Variants in ZC3H14 observed in about 807,000 individuals in gnomAD.
ZC3H14 encodes zinc finger CCCH domain-containing protein 14.
In ZC3H14, 31 loss-of-function variants were observed where a neutral mutation model predicts 92.4. The ratio of observed to expected loss-of-function variants is 0.34; its 90% CI spans 0.25 to 0.45. ZC3H14 has a LOEUF of 0.45. Among genes scored for constraint, ZC3H14 ranks in the 20% least tolerant of loss-of-function variants. ZC3H14 has a pLI of 1.00. For synonymous variants in ZC3H14, 321 were observed against 300.9 expected (o/e 1.07, Z -0.69); for missense variants, 781 against 897.3 (o/e 0.87, Z 1.66).
chr14:88,566,937 A>G (rs982224584), intron 2 of ZC3H14, among the ~76,000 whole-genome samples: 15 of 151,612 alleles, frequency 9.9e-5, no homozygotes, highest in Non-Finnish European at 1.9e-4. Context: ...AAAAAAAAAA[A>G]AGAGAACTGG....
intron 9 of ZC3H14, among the ~76,000 whole-genome samples, chr14:88,586,262 T>G (rs995321932): frequency 6.6e-6 from 1 of 152,258 alleles, no homozygotes. Flanking sequence ...TGTTTATCAT[T>G]TTACTTATTC....
chr14:88,611,800 T>C lies in ZC3H14; in HGVS notation c.*49T>C. The C allele has an allele frequency of 6.2e-7, 1 of 1,612,550 alleles. No homozygotes were observed. On this transcript the variant is annotated 3_prime_UTR_variant, in exon 17 of 17. Coordinates refer to ENST00000251038, the MANE Select transcript of ZC3H14 (RefSeq NM_024824.5). ...ATCATGCAGTTTGGAAGTTTTCATG[T>C]ACTGATGAAAGATACTCTACAGAAC...
At chr14:88,588,494 T>G (rs530185130) in intron 9 of ZC3H14, among the ~76,000 whole-genome samples, 1 of 152,332 alleles carries the variant, frequency 6.6e-6, no homozygotes, top group East Asian at 1.9e-4. Flanking sequence ...GGCTTCAGTG[T>G]TGATGCTGAG....
Position 88,622,801 on chromosome 14 carries a change from G to T in ZC3H14, c.*11050G>T. On this transcript the variant is annotated 3_prime_UTR_variant, in exon 17 of 17. Coordinates refer to ENST00000251038, the MANE Select transcript of ZC3H14 (RefSeq NM_024824.5). ...ATAAACAAATACCAAGTTATAAGCA[G>T]AATCTTTTTTTTTTAAAAAGGCCCT... 4 of 837,814 alleles carry T rather than the reference G, an allele frequency of 4.8e-6. No homozygotes were observed. Among genetic ancestry groups the T allele is most frequent in the South Asian group, 3.2e-5 (1 of 31,014 alleles). The allele number at this position is 837,814 out of a possible 1,614,324, so 51.9% of individuals were successfully genotyped here.
intron 2 of ZC3H14, among the ~76,000 whole-genome samples, chr14:88,566,280 C>G (rs1046712087): frequency 2.0e-5 from 3 of 151,764 alleles, no homozygotes; most frequent in African/African-American, 4.8e-5. Context: ...TTAATAAATA[C>G]TTTTTAATTA....
chr14:88,574,007 C>A (rs1229026188), intron 6 of ZC3H14, among the ~76,000 whole-genome samples: 2 of 152,122 alleles, frequency 1.3e-5, no homozygotes, highest in Non-Finnish European at 2.9e-5. Context: ...TCTTTTGTAT[C>A]ACATCTGTAT....
In ZC3H14 at chr14:88,626,055, T is replaced by C. The variant is rs934456322; in HGVS notation, c.*14304T>C. The C allele has an allele frequency of 2.0e-5, 3 of 152,204 alleles. No individual in the cohort carries two copies. The highest frequency in any genetic ancestry group is 2.9e-5 in the Non-Finnish European group (2 of 68,066). The allele number at this position is 152,204 out of a possible 1,614,324, so 9.4% of individuals were successfully genotyped here. On this transcript the variant is annotated 3_prime_UTR_variant, in exon 17 of 17. Transcript: ENST00000251038. ...ATTGTGCTATTTCCTTCTGTCTCAC[T>C]ACCTCCTTCTTCCCTCGAAGTAGAG...
At chr14:88,577,491 GTATC>G (rs1430160257) in intron 8 of ZC3H14, among the ~76,000 whole-genome samples, 2 of 152,166 alleles carry the variant, frequency 1.3e-5, no homozygotes, top group Admixed American at 6.5e-5. Context: ...ATAGGTTCAG[GTATC>G]TATCTCAGTA....
chr14:88,572,898 G>A lies in ZC3H14; in HGVS notation c.752G>A (p.Ser251Asn), dbSNP rs779233885. The A allele has an allele frequency of 1.2e-6, 2 of 1,614,178 alleles. No individual in the cohort carries two copies. Among genetic ancestry groups the A allele is most frequent in the South Asian group, 2.2e-5 (2 of 91,092 alleles). Residue 251 changes from serine to asparagine, a missense_variant, in exon 6 of 17, where the codon AGT becomes AAT. Ser to Asn is a conservative substitution (Grantham distance 46, BLOSUM62 1). Coordinates refer to ENST00000251038, the MANE Select transcript of ZC3H14 (RefSeq NM_024824.5). Reference protein sequence around the residue: ...IHAAKQLDMQSSWVYETGRLC... With the variant: ...IHAAKQLDMQNSWVYETGRLC... ...GCTGCCAAGCAGCTTGATATGCAGA[G>A]TAGTTGGGTATATGAAACAGGACGT...
In ZC3H14 at chr14:88,610,213, A is replaced by G. The variant is rs148719624; in HGVS notation, c.2097+410A>G. ...GAATCTCCAGATGTTTAGTTGGTCA[A>G]AATGAATTATCTCCTTCTTGCCCCG... On this transcript the variant is annotated intron_variant, in intron 15 of 16. Transcript: ENST00000251038. 3.3e-3 allele frequency among the ~76,000 whole-genome samples: 506 copies of G among 152,300 alleles called. 4 individuals are homozygous for G. The highest frequency in any genetic ancestry group is 0.012 in the African/African-American group (486 of 41,554).
chr14:88,565,890 T>TG (rs1348592943), intron 2 of ZC3H14, among the ~76,000 whole-genome samples: 2 of 151,544 alleles, frequency 1.3e-5, no homozygotes, highest in East Asian at 3.9e-4. Flanking sequence ...TTTTTTGAGA[T>TG]GGGGTCTCAC....
chr14:88,580,816 G>A (rs547570487), intron 9 of ZC3H14, among the ~76,000 whole-genome samples: 1 of 152,168 alleles, frequency 6.6e-6, no homozygotes, highest in Non-Finnish European at 1.5e-5. Context: ...AAAATGATTT[G>A]GACATTCAGG....
At position 88,605,928 on chromosome 14, in the gene ZC3H14, A is replaced by G. The variant is rs139511945; in HGVS notation, c.1748-1315A>G. On this transcript the variant is annotated intron_variant, in intron 12 of 16. Transcript: ENST00000251038. ...GTATAGATGAGGAAACAGAATTCCA[A>G]AAAGTTAGCTAACATTTGCACAGAG... is the stretch of plus-strand genomic sequence containing the variant. Among the ~76,000 whole-genome samples, 99 of 152,356 alleles carry G rather than the reference A, an allele frequency of 6.5e-4. 2 individuals carry two copies. In the East Asian group the frequency reaches 0.017, roughly 26 times the overall value.
intron 12 of ZC3H14, among the ~76,000 whole-genome samples, chr14:88,605,231 T>C (rs2085202483): frequency 6.6e-6 from 1 of 152,220 alleles, no homozygotes; most frequent in Non-Finnish European, 1.5e-5. Flanking sequence ...ACATTTACTT[T>C]GCGGGGATGA....
Position 88,614,102 on chromosome 14 carries a change from CTG to C in ZC3H14, c.*2353_*2354del, listed in dbSNP as rs776427348. The C allele has an allele frequency of 2.0e-5, 3 of 152,196 alleles. No individual in the cohort carries two copies. Among genetic ancestry groups the C allele is most frequent in the Non-Finnish European group, 4.4e-5 (3 of 68,036 alleles). The allele number at this position is 152,196 out of a possible 1,614,324, so 9.4% of individuals were successfully genotyped here. A position where few individuals can be genotyped will look rare whatever the true frequency, so the allele number is the denominator to read the frequency against. On this transcript the variant is annotated 3_prime_UTR_variant, in exon 17 of 17. Coordinates refer to ENST00000251038, the MANE Select transcript of ZC3H14 (RefSeq NM_024824.5). ...GCACTGTAATGGAAATATAATTTCTCTGTAGCCAAAAGCTGGCAAACTTGACC... is the reference window on the plus strand; with the variant it reads ...GCACTGTAATGGAAATATAATTTCTCTAGCCAAAAGCTGGCAAACTTGACC...
chr14:88,606,250 C>T (rs1189712048), intron 12 of ZC3H14, among the ~76,000 whole-genome samples: 1 of 152,162 alleles, frequency 6.6e-6, no homozygotes, highest in African/African-American at 2.4e-5. Flanking sequence ...AATCTGGCAA[C>T]AGGGGTCCCA....
At chr14:88,578,856 A>G (rs1216013260) in intron 9 of ZC3H14, among the ~76,000 whole-genome samples, 1 of 124,368 alleles carries the variant, frequency 8.0e-6, no homozygotes, top group East Asian at 2.5e-4. Context: ...TTTGACTTTG[A>G]AAGTGTGTCT....
In ZC3H14 at chr14:88,621,158, A is replaced by G; in HGVS notation, c.*9407A>G. 1 of 1,613,956 alleles carries G rather than the reference A, an allele frequency of 6.2e-7. No homozygotes were observed. The highest frequency in any genetic ancestry group is 1.1e-5 in the South Asian group (1 of 91,076). On this transcript the variant is annotated 3_prime_UTR_variant, in exon 17 of 17. Transcript: ENST00000251038. The stretch of plus-strand genomic sequence containing the variant: ...GTCTCACTGTCCCATCTTCTGCAGC[A>G]GAAAGGAAAAAATCCCTGGAAGGAT...
Position 88,596,809 on chromosome 14 carries a change from G to A in ZC3H14, c.1354+1G>A. 3 of 1,613,852 alleles carry A rather than the reference G, an allele frequency of 1.9e-6. No individual in the cohort carries two copies. Among genetic ancestry groups the A allele is most frequent in the Non-Finnish European group, 2.5e-6 (3 of 1,179,826 alleles). Reference sequence around the variant, plus strand: ...GCAGAAACTCTGCAGATGAGTCAAGGTTGGTAATGTTTCAAGTTGTACTGT... The same window carrying A: ...GCAGAAACTCTGCAGATGAGTCAAGATTGGTAATGTTTCAAGTTGTACTGT... On this transcript the variant is annotated splice_donor_variant, in intron 10 of 16. Transcript: ENST00000251038. LOFTEE classifies it high-confidence loss of function.
Sources: gnomAD v4.1 joint callset for allele counts (sites outside exome capture counted in the v4.1 genomes callset) on GRCh38, gnomAD v4.1.1 for gene constraint, MANE v1.5 for transcripts, NCBI Gene and HGNC (gene_info 2026-07-23, HGNC 2026-07-21) for gene names.